Variants in PEX5L observed in about 807,000 individuals in gnomAD.
PEX5L encodes the protein PEX5-related protein.
In PEX5L, 30 loss-of-function variants were observed where a neutral mutation model predicts 84.0. The ratio of observed to expected loss-of-function variants is 0.36; its 90% CI spans 0.27 to 0.48. The LOEUF is 0.48. Ranked by LOEUF, PEX5L falls within the 20% of genes least tolerant of loss-of-function variation. The pLI, the probability that PEX5L is intolerant of heterozygous loss-of-function variation, is 0.99. For synonymous variants in PEX5L, 270 were observed against 283.1 expected, an observed-to-expected ratio of 0.95 and a Z score of 0.46; for missense variants, 533 against 754.6, an observed-to-expected ratio of 0.71 and a Z score of 3.44.
At chr3:179,973,235 AT>A in intron 1 of PEX5L, 3 of 1,288,414 alleles carry the variant, frequency 2.3e-6, no homozygotes, top group Non-Finnish European at 3.0e-6. Flanking sequence ...CCTTCCATCC[AT>A]TTCACTGTCA....
In PEX5L at chr3:179,796,260, TTAA is replaced by T. The variant is rs929865096; in HGVS notation, c.*5565_*5567del. The T allele has an allele frequency of 4.6e-5, 7 of 151,338 alleles. No homozygotes were observed. The highest frequency in any genetic ancestry group is 1.5e-4 in the African/African-American group (6 of 41,294). The allele number at this position is 151,338 out of a possible 1,614,324, so 9.4% of individuals were successfully genotyped here. A position where few individuals can be genotyped will look rare whatever the true frequency, so the allele number is the denominator to read the frequency against. ...CCTAATTGTTGTTGTTGTTTCCATC[TTAA>T]TATTATTTTGAGTGCAGGCTTCTAT... On this transcript the variant is annotated 3_prime_UTR_variant, in exon 15 of 15. Coordinates refer to ENST00000467460, the MANE Select transcript of PEX5L (RefSeq NM_016559.3).
intron 7 of PEX5L, among the ~76,000 whole-genome samples, chr3:179,862,928 C>T (rs1746729830): frequency 6.6e-6 from 1 of 152,102 alleles, no homozygotes; most frequent in Non-Finnish European, 1.5e-5. Context: ...CACTACCTGC[C>T]TTCAAAATAT....
intron 8 of PEX5L, among the ~76,000 whole-genome samples, chr3:179,840,182 T>TG (rs1736602097): frequency 1.1e-5 from 1 of 94,698 alleles, no homozygotes; most frequent in African/African-American, 3.8e-5. Context: ...TGTGTGTGTG[T>TG]GTTTTTTTTT....
intron 1 of PEX5L, among the ~76,000 whole-genome samples, chr3:179,981,463 T>G (rs1001751070): frequency 3.9e-5 from 6 of 152,158 alleles, no homozygotes; most frequent in Non-Finnish European, 8.8e-5. Context: ...GGTTGACAGA[T>G]AGCTGACCCC....
intron 2 of PEX5L, among the ~76,000 whole-genome samples, chr3:179,947,109 G>C (rs1188231896): frequency 6.6e-6 from 1 of 152,072 alleles, no homozygotes; most frequent in Non-Finnish European, 1.5e-5. Flanking sequence ...CTCTCACTGA[G>C]GTATTGTGAA....
intron 1 of PEX5L, among the ~76,000 whole-genome samples, chr3:179,993,564 A>C (rs1444759910): frequency 6.6e-6 from 1 of 152,064 alleles, no homozygotes; most frequent in Non-Finnish European, 1.5e-5. Flanking sequence ...CAGTGGCATG[A>C]TCTCAGCTCA....
intron 2 of PEX5L, among the ~76,000 whole-genome samples, chr3:179,938,079 C>T (rs1410262036): frequency 1.3e-5 from 2 of 151,946 alleles, no homozygotes; most frequent in Non-Finnish European, 2.9e-5. Context: ...AATTATGGAA[C>T]CAGAAGGCAT....
chr3:179,873,232 TA>T (rs1386263378), intron 7 of PEX5L, among the ~76,000 whole-genome samples: 1 of 152,176 alleles, frequency 6.6e-6, no homozygotes, highest in East Asian at 1.9e-4. Context: ...TCGAGTGATT[TA>T]ACAGAAAAAA....
At chr3:179,817,434 T>A (rs1486730750) in intron 9 of PEX5L, among the ~76,000 whole-genome samples, 1 of 152,192 alleles carries the variant, frequency 6.6e-6, no homozygotes, top group African/African-American at 2.4e-5. Context: ...TATTTTAAAG[T>A]TTTTGTTATC....
At chr3:179,922,480 G>C (rs111871393) in intron 2 of PEX5L, among the ~76,000 whole-genome samples, 35,870 of 133,552 alleles carry the variant, frequency 0.27, 5,175 homozygotes, top group East Asian at 0.6. Flanking sequence ...AAGGAGTCTT[G>C]CTCTGTTGCC....
In PEX5L at chr3:180,011,889, G is replaced by T. The variant is rs1459041423; in HGVS notation, c.21+24690C>A. Among the ~76,000 whole-genome samples the T allele has an allele frequency of 2.6e-5, 4 of 152,256 alleles. No individual in the cohort carries two copies. The South Asian group carries it at 8.3e-4, about 32-fold the overall frequency. On this transcript the variant is annotated intron_variant, in intron 1 of 14. Coordinates refer to ENST00000467460, the MANE Select transcript of PEX5L (RefSeq NM_016559.3). Reference sequence around the variant, plus strand: ...TTTTTCAAAGGCAGAAAGCAACCAGGCACTGAACTTTGGAAAGAAGAACGA... The same window carrying T: ...TTTTTCAAAGGCAGAAAGCAACCAGTCACTGAACTTTGGAAAGAAGAACGA...
intron 2 of PEX5L, chr3:179,900,778 A>C: frequency 7.1e-7 from 1 of 1,399,528 alleles, no homozygotes; most frequent in Non-Finnish European, 9.7e-7. Context: ...CCTGCTAGCA[A>C]CTTTTTTCTT....
rs73059344 is a variant in PEX5L at position 180,009,124 on chromosome 3, T to C, written c.21+27455A>G. 8.8e-3 allele frequency among the ~76,000 whole-genome samples: 1,346 copies of C among 152,342 alleles called. 18 individuals are homozygous for C. The highest frequency in any genetic ancestry group is 0.031 in the African/African-American group (1,283 of 41,588). On this transcript the variant is annotated intron_variant, in intron 1 of 14. Transcript: ENST00000467460. ...CCCACTCATTGGAGTTTGACCTTCA[T>C]GTGTTATGCTCTCTTCTTCCTAATA...
At chr3:179,849,704 C>T (rs1741033286) in intron 8 of PEX5L, among the ~76,000 whole-genome samples, 1 of 152,198 alleles carries the variant, frequency 6.6e-6, no homozygotes, top group Admixed American at 6.5e-5. Flanking sequence ...CAAACAGAAG[C>T]ACAGAATAGT....
chr3:179,837,191 C>T (rs1334833852), intron 8 of PEX5L, among the ~76,000 whole-genome samples: 1 of 152,080 alleles, frequency 6.6e-6, no homozygotes, highest in Admixed American at 6.5e-5. Flanking sequence ...TTCCTGAAAA[C>T]CTATAAGCTG....
chr3:179,818,903 A>G (rs1727318400), intron 9 of PEX5L, among the ~76,000 whole-genome samples: 2 of 147,614 alleles, frequency 1.4e-5, no homozygotes. Context: ...GTGTACTGAC[A>G]CCATCACAGC....
At chr3:179,894,125 G>A (rs1758456118) in intron 3 of PEX5L, among the ~76,000 whole-genome samples, 1 of 151,890 alleles carries the variant, frequency 6.6e-6, no homozygotes, top group Admixed American at 6.6e-5. Context: ...TCTTATAATT[G>A]AACTACTTGT....
intron 12 of PEX5L, among the ~76,000 whole-genome samples, chr3:179,808,966 C>T (rs1344823838): frequency 3.6e-5 from 5 of 140,714 alleles, no homozygotes; most frequent in African/African-American, 5.3e-5. Context: ...CCCAGCTGCT[C>T]GGGAGGCTGA....
chr3:179,969,063 C>T (rs1260670253), intron 2 of PEX5L, among the ~76,000 whole-genome samples: 1 of 151,996 alleles, frequency 6.6e-6, no homozygotes, highest in Non-Finnish European at 1.5e-5. Flanking sequence ...ACAAGATTTG[C>T]AAATCACATG....
Sources: allele counts gnomAD v4.1 joint callset (sites outside exome capture counted in the v4.1 genomes callset), GRCh38; gene constraint gnomAD v4.1.1; transcripts MANE v1.5; gene names NCBI Gene and HGNC (gene_info 2026-07-23, HGNC 2026-07-21).